The following TTLL11 variants were observed in gnomAD, a reference collection of about 807,000 sequenced individuals.
The protein encoded by TTLL11 is tubulin polyglutamylase TTLL11.
A neutral mutation model predicts 51.7 loss-of-function variants in TTLL11; 42 were observed. The ratio of observed to expected loss-of-function variants is 0.81; its 90% CI spans 0.64 to 1.05. TTLL11 has a LOEUF of 1.05. Among genes scored for constraint, TTLL11 ranks in the 50% least tolerant of loss-of-function variants. The pLI is 0.00. For missense variants in TTLL11, 799 were observed against 940.4 expected (o/e 0.85, Z 1.97); for synonymous variants, 381 against 383.5 (o/e 0.99, Z 0.08).
At chr9:121,968,990 C>T (rs1299191930) in intron 6 of TTLL11, among the ~76,000 whole-genome samples, 2 of 152,038 alleles carry the variant, frequency 1.3e-5, no homozygotes, top group African/African-American at 4.8e-5. Flanking sequence ...CTGCCTCAGC[C>T]TCTCAAGTAG....
intron 6 of TTLL11, among the ~76,000 whole-genome samples, chr9:121,936,936 C>T (rs1376741144): frequency 6.6e-6 from 1 of 152,200 alleles, no homozygotes; most frequent in Non-Finnish European, 1.5e-5. Flanking sequence ...ATGAGACATG[C>T]TAGGCTGTTT....
At chr9:122,036,480 C>A (rs1002033210) in intron 2 of TTLL11, among the ~76,000 whole-genome samples, 2 of 151,640 alleles carry the variant, frequency 1.3e-5, no homozygotes, top group African/African-American at 4.8e-5. Flanking sequence ...ATCTAATAAT[C>A]TACTTTCTTT....
intron 2 of TTLL11, among the ~76,000 whole-genome samples, chr9:122,032,956 G>A (rs977017067): frequency 7.3e-5 from 11 of 150,310 alleles, no homozygotes; most frequent in African/African-American, 2.0e-4. Flanking sequence ...CACCATGCCC[G>A]GCTAATTTTT....
Position 122,080,502 on chromosome 9 carries a change from T to C in TTLL11, c.462+12185A>G, listed in dbSNP as rs1404116085. Among the ~76,000 whole-genome samples the C allele has an allele frequency of 1.2e-4, 18 of 151,206 alleles. No homozygotes were observed. The Admixed American group carries it at 1.2e-3, about 10-fold the overall frequency. ...GTTCAAGACCAGCCTGGGCAACATA[T>C]GGAAACCCCATCTCTACAAAAAAAA... On this transcript the variant is annotated intron_variant, in intron 1 of 8. Transcript: ENST00000321582.
chr9:122,060,791 T>G (rs568336959), intron 1 of TTLL11, among the ~76,000 whole-genome samples: 7 of 152,244 alleles, frequency 4.6e-5, no homozygotes, highest in Non-Finnish European at 1.0e-4. Context: ...GTTTCAACTA[T>G]GCTGTGGGAG....
chr9:121,946,361 A>C (rs1841664967), intron 6 of TTLL11, among the ~76,000 whole-genome samples: 1 of 151,842 alleles, frequency 6.6e-6, no homozygotes, highest in South Asian at 2.1e-4. Context: ...TTCCCCTGGC[A>C]TGACCTCATC....
Position 122,011,730 on chromosome 9 carries a change from T to C in TTLL11, c.693+19993A>G, listed in dbSNP as rs114116640. On this transcript the variant is annotated intron_variant, in intron 3 of 8. Coordinates refer to ENST00000321582, the MANE Select transcript of TTLL11 (RefSeq NM_001139442.2). ...AACATCTGGGGTTGCATGGAGGATA[T>C]GTAGAAATTATTTGTATTATTCTTA... Among the ~76,000 whole-genome samples the C allele has an allele frequency of 4.4e-3, 668 of 152,304 alleles. 3 individuals are homozygous for C. Among genetic ancestry groups the C allele is most frequent in the African/African-American group, 0.015 (627 of 41,568 alleles).
intron 3 of TTLL11, among the ~76,000 whole-genome samples, chr9:122,031,317 C>T (rs1844533022): frequency 6.6e-6 from 1 of 152,102 alleles, no homozygotes; most frequent in East Asian, 1.9e-4. Context: ...TGCTCCCTGG[C>T]CTTTAAACAG....
chr9:121,832,883 T>A (rs368295520), intron 8 of TTLL11, among the ~76,000 whole-genome samples: 1 of 152,214 alleles, frequency 6.6e-6, no homozygotes, highest in Non-Finnish European at 1.5e-5. Context: ...GATGTTTCAG[T>A]GAGCTGAGAT....
At chr9:121,917,967 G>A (rs893943612) in intron 6 of TTLL11, among the ~76,000 whole-genome samples, 1 of 148,372 alleles carries the variant, frequency 6.7e-6, no homozygotes, top group Non-Finnish European at 1.5e-5. Flanking sequence ...TAAAAAGTAG[G>A]CATTTTTTTT....
At chr9:121,956,797 C>G (rs1435235261) in intron 6 of TTLL11, among the ~76,000 whole-genome samples, 2 of 152,230 alleles carry the variant, frequency 1.3e-5, no homozygotes, top group Non-Finnish European at 2.9e-5. Flanking sequence ...TACAGTTCAG[C>G]AGTTTGGGCT....
At chr9:121,867,678 C>G (rs1838218996) in intron 7 of TTLL11, among the ~76,000 whole-genome samples, 1 of 152,198 alleles carries the variant, frequency 6.6e-6, no homozygotes, top group Admixed American at 6.5e-5. Flanking sequence ...AGTCCAAACC[C>G]TGCCTCCTCT....
Position 121,985,171 on chromosome 9 carries a change from ATC to A in TTLL11, c.1269+4022_1269+4023del, listed in dbSNP as rs1226739128. On this transcript the variant is annotated intron_variant, in intron 4 of 8. Coordinates refer to ENST00000321582, the MANE Select transcript of TTLL11 (RefSeq NM_001139442.2). ...AGAGTTTATGTTCTGGAATGCTGCA[ATC>A]TGAGTCAAGCCCAGGCAACAAGCGA... Among the ~76,000 whole-genome samples the A allele has an allele frequency of 2.0e-5, 3 of 152,366 alleles. No homozygotes were observed. In the East Asian group the frequency reaches 5.8e-4, roughly 29 times the overall value.
intron 8 of TTLL11, among the ~76,000 whole-genome samples, chr9:121,833,287 G>C (rs979108099): frequency 5.9e-5 from 9 of 152,192 alleles, no homozygotes; most frequent in African/African-American, 2.2e-4. Flanking sequence ...TGGATATTAA[G>C]AGGCGGCCCC....
intron 8 of TTLL11, among the ~76,000 whole-genome samples, chr9:121,841,376 G>A (rs1837341169): frequency 6.6e-6 from 1 of 152,188 alleles, no homozygotes. Flanking sequence ...TGCTCCCCAT[G>A]AGATTTTGGA....
intron 6 of TTLL11, among the ~76,000 whole-genome samples, chr9:121,915,990 TACACACACACACACACAC>T (rs59554930): frequency 6.0e-5 from 8 of 134,332 alleles, no homozygotes; most frequent in African/African-American, 9.1e-5. Context: ...GACACACACA[TACACACACACACACACAC>T]ACACACACAC....
At chr9:122,087,340 A>T (rs913940905) in intron 1 of TTLL11, among the ~76,000 whole-genome samples, 1 of 152,032 alleles carries the variant, frequency 6.6e-6, no homozygotes, top group Non-Finnish European at 1.5e-5. Flanking sequence ...CTCTCAATAC[A>T]ATTTTTCACG....
intron 1 of TTLL11, among the ~76,000 whole-genome samples, chr9:122,049,508 C>T (rs371056226): frequency 1.3e-5 from 2 of 152,138 alleles, no homozygotes; most frequent in Admixed American, 6.5e-5. Flanking sequence ...TTACTAGTCA[C>T]GCATGAATAA....
intron 1 of TTLL11, among the ~76,000 whole-genome samples, chr9:122,047,768 T>G (rs897042681): frequency 6.6e-6 from 1 of 152,200 alleles, no homozygotes; most frequent in Admixed American, 6.5e-5. Context: ...GATGTGCCTG[T>G]GCTGTTCTTT....
Sources: gnomAD v4.1 joint callset for allele counts (sites outside exome capture counted in the v4.1 genomes callset) on GRCh38, gnomAD v4.1.1 for gene constraint, MANE v1.5 for transcripts, NCBI Gene and HGNC (gene_info 2026-07-23, HGNC 2026-07-21) for gene names.